The following STXBP4 variants were observed in gnomAD, a reference collection of about 807,000 sequenced individuals.
STXBP4 encodes the protein syntaxin-binding protein 4.
In STXBP4, 55 loss-of-function variants were observed where a neutral mutation model predicts 76.1. That is an observed-to-expected ratio of 0.72 (90% CI 0.58 to 0.91). The LOEUF (loss-of-function observed/expected upper bound fraction) is 0.91, where lower values mean the gene tolerates loss of function less well. STXBP4 is among the 40% of genes least tolerant of loss of function. The probability of loss-of-function intolerance (pLI) is 0.00; values close to 1 mark genes in which losing one functional copy is unlikely to be tolerated. For missense variants in STXBP4, 618 were observed against 636.9 expected, an observed-to-expected ratio of 0.97 and a Z score of 0.32; for synonymous variants, 201 against 220.2, an observed-to-expected ratio of 0.91 and a Z score of 0.77.
At chr17:55,195,674 G>A in the STXBP4 span, among the ~76,000 whole-genome samples, 1 of 152,152 alleles carries the variant, frequency 6.6e-6, no homozygotes, top group Non-Finnish European at 1.5e-5. Context: ...GAGCTCCAGT[G>A]ATCCTCCCAT....
At chr17:55,138,027 C>T (rs141502785) in intron 16 of STXBP4, among the ~76,000 whole-genome samples, 165 of 152,138 alleles carry the variant, frequency 1.1e-3, no homozygotes, top group African/African-American at 3.2e-3. Flanking sequence ...ACATGTTTCA[C>T]GTTTTGCCTA....
At chr17:55,180,325 T>C in the STXBP4 span, among the ~76,000 whole-genome samples, 3 of 152,218 alleles carry the variant, frequency 2.0e-5, no homozygotes, top group East Asian at 5.8e-4. Flanking sequence ...AAAGATGCCA[T>C]TTGTTCTTCT....
At chr17:55,107,286 C>T (rs1286382841) in intron 16 of STXBP4, among the ~76,000 whole-genome samples, 2 of 152,132 alleles carry the variant, frequency 1.3e-5, no homozygotes, top group Non-Finnish European at 2.9e-5. Flanking sequence ...TCAGCTCCAT[C>T]AGGTCATTTA....
At chr17:55,213,195 C>T in the STXBP4 span, among the ~76,000 whole-genome samples, 5 of 152,046 alleles carry the variant, frequency 3.3e-5, no homozygotes, top group African/African-American at 1.2e-4. Flanking sequence ...AGGTAAGAAC[C>T]AGTAGGGCTA....
intron 1 of STXBP4, among the ~76,000 whole-genome samples, chr17:54,975,132 C>A (rs774808109): frequency 1.3e-5 from 2 of 152,126 alleles, no homozygotes; most frequent in African/African-American, 4.8e-5. Flanking sequence ...CTACTGTCAG[C>A]ATCTTGAAAT....
At chr17:55,045,175 A>G (rs547473105) in intron 11 of STXBP4, among the ~76,000 whole-genome samples, 1 of 152,244 alleles carries the variant, frequency 6.6e-6, no homozygotes, top group South Asian at 2.1e-4. Context: ...TTGCCAATTC[A>G]CATTCCTTCC....
chr17:55,142,572 A>G (rs2080105973), intron 17 of STXBP4, among the ~76,000 whole-genome samples: 1 of 152,180 alleles, frequency 6.6e-6, no homozygotes, highest in Admixed American at 6.6e-5. Context: ...AGAACTTGGA[A>G]CACAGTAGAT....
At chr17:55,107,908 T>C (rs910280082) in intron 16 of STXBP4, among the ~76,000 whole-genome samples, 1 of 152,326 alleles carries the variant, frequency 6.6e-6, no homozygotes, top group African/African-American at 2.4e-5. Context: ...AGGGATCCGC[T>C]TGAGGATGCA....
intron 8 of STXBP4, among the ~76,000 whole-genome samples, chr17:55,025,956 T>C (rs2078404808): frequency 6.6e-6 from 1 of 152,188 alleles, no homozygotes; most frequent in African/African-American, 2.4e-5. Flanking sequence ...CAAGATCATA[T>C]ATAAGAAGCA....
chr17:55,123,537 T>C (rs1314765998), intron 16 of STXBP4, among the ~76,000 whole-genome samples: 2 of 152,148 alleles, frequency 1.3e-5, no homozygotes, highest in Non-Finnish European at 2.9e-5. Flanking sequence ...AAATATTGTG[T>C]TCTAACGTTA....
chr17:55,204,839 CACACAA>C, the STXBP4 span, among the ~76,000 whole-genome samples: 26 of 34,342 alleles, frequency 7.6e-4, no homozygotes, highest in South Asian at 3.5e-3. Flanking sequence ...CACACACACA[CACACAA>C]ACACACATAC....
chr17:55,109,813 A>G (rs958122840), intron 16 of STXBP4, among the ~76,000 whole-genome samples: 1 of 151,830 alleles, frequency 6.6e-6, no homozygotes, highest in Non-Finnish European at 1.5e-5. Flanking sequence ...AATTTTGTGT[A>G]TTTTTAGTAG....
chr17:55,058,417 G>A (rs1017113414), intron 12 of STXBP4, among the ~76,000 whole-genome samples: 2 of 151,942 alleles, frequency 1.3e-5, no homozygotes, highest in Admixed American at 6.6e-5. Flanking sequence ...TTAAATTTTC[G>A]ATGCAACATA....
chr17:55,143,217 A>G (rs2080113879), intron 17 of STXBP4, among the ~76,000 whole-genome samples: 1 of 152,168 alleles, frequency 6.6e-6, no homozygotes, highest in African/African-American at 2.4e-5. Flanking sequence ...TGGCATTATG[A>G]TGGTAGTGAG....
At chr17:55,097,555 C>G (rs904957137) in intron 16 of STXBP4, among the ~76,000 whole-genome samples, 1 of 151,696 alleles carries the variant, frequency 6.6e-6, no homozygotes, top group South Asian at 2.1e-4. Context: ...ATCAGCTACT[C>G]AGGAGGCTGA....
At chr17:55,194,494 A>C in the STXBP4 span, among the ~76,000 whole-genome samples, 1 of 152,190 alleles carries the variant, frequency 6.6e-6, no homozygotes, top group Non-Finnish European at 1.5e-5. Context: ...AAAGCAATGG[A>C]ACCACCTATG....
chr17:55,127,995 G>A (rs2628322), intron 16 of STXBP4, among the ~76,000 whole-genome samples: 46,722 of 151,960 alleles, frequency 0.31, 7,460 homozygotes, highest in African/African-American at 0.36. Flanking sequence ...TTCTAAAATT[G>A]TATGTCTATT....
chr17:55,101,276 C>G (rs1381056612), intron 16 of STXBP4, among the ~76,000 whole-genome samples: 1 of 152,122 alleles, frequency 6.6e-6, no homozygotes, highest in East Asian at 1.9e-4. Flanking sequence ...ATTCTTAGGG[C>G]TTTTAGGCAC....
intron 14 of STXBP4, 125 bp from the exon 15 acceptor site, chr17:55,078,561 C>T (rs969831580): frequency 1.8e-5 from 11 of 622,702 alleles, no homozygotes; most frequent in African/African-American, 7.6e-5. Flanking sequence ...TTTGCACCCC[C>T]GCTACATAAT....
Sources: gnomAD v4.1 joint callset for allele counts (sites outside exome capture counted in the v4.1 genomes callset) on GRCh38, gnomAD v4.1.1 for gene constraint, MANE v1.5 for transcripts, NCBI Gene and HGNC (gene_info 2026-07-23, HGNC 2026-07-21) for gene names.